Variants in ACYP2 observed in about 807,000 individuals in gnomAD.
ACYP2 encodes acylphosphatase 2.
In ACYP2, 12 loss-of-function variants were observed where a neutral mutation model predicts 11.2. That is an observed-to-expected ratio of 1.08 (90% CI 0.69 to 1.74). The LOEUF (loss-of-function observed/expected upper bound fraction) is 1.74. ACYP2 is among the 40% of genes most tolerant of loss of function. The pLI is 0.00. For missense variants in ACYP2, 134 were observed against 101.9 expected, an observed-to-expected ratio of 1.31 and a Z score of -1.35; for synonymous variants, 43 against 32.2, an observed-to-expected ratio of 1.33 and a Z score of -1.13.
At chr2:54,235,477 T>C (rs2103974073) in intron 6 of ACYP2, among the ~76,000 whole-genome samples, 1 of 152,160 alleles carries the variant, frequency 6.6e-6, no homozygotes, top group East Asian at 1.9e-4. Flanking sequence ...GCCTCCAGAG[T>C]AGCTGGGACT....
At chr2:54,085,239 C>G (rs1210854233) in intron 4 of ACYP2, among the ~76,000 whole-genome samples, 1 of 152,180 alleles carries the variant, frequency 6.6e-6, no homozygotes, top group Non-Finnish European at 1.5e-5. Context: ...CGTTCCAAGG[C>G]TGTGCACATT....
intron 6 of ACYP2, among the ~76,000 whole-genome samples, chr2:54,287,588 T>C (rs1015800775): frequency 2.0e-5 from 3 of 151,918 alleles, no homozygotes; most frequent in African/African-American, 7.3e-5. Context: ...CTACTGGACA[T>C]ACCTTTGGAT....
At chr2:54,027,837 C>CTTTTTTTTTTTTTT (rs34122179) in intron 2 of ACYP2, among the ~76,000 whole-genome samples, 2 of 97,890 alleles carry the variant, frequency 2.0e-5, no homozygotes, top group Non-Finnish European at 3.9e-5. Context: ...TTCTTTCTTT[C>CTTTTTTTTTTTTTT]TTTTTTTTTT....
intron 3 of ACYP2, among the ~76,000 whole-genome samples, chr2:54,055,369 T>C (rs1676086134): frequency 6.6e-6 from 1 of 152,288 alleles, no homozygotes; most frequent in East Asian, 1.9e-4. Flanking sequence ...TCCTAAATCA[T>C]GTGTCAGGAA....
chr2:54,087,988 A>G (rs1678029370), intron 4 of ACYP2, among the ~76,000 whole-genome samples: 2 of 152,148 alleles, frequency 1.3e-5, no homozygotes, highest in Admixed American at 6.6e-5. Flanking sequence ...TTCTTCAGAG[A>G]AGGTTGTGCT....
chr2:54,037,501 C>T (rs1190763508), intron 2 of ACYP2, among the ~76,000 whole-genome samples: 2 of 152,124 alleles, frequency 1.3e-5, no homozygotes, highest in Non-Finnish European at 2.9e-5. Flanking sequence ...GCCTCAACCT[C>T]CTAGGCTCGA....
chr2:54,207,607 T>G (rs1685135709), intron 6 of ACYP2, among the ~76,000 whole-genome samples: 1 of 152,202 alleles, frequency 6.6e-6, no homozygotes, highest in East Asian at 1.9e-4. Flanking sequence ...CTCTTGCATA[T>G]GTTATTGTCA....
At chr2:54,031,198 C>T (rs1674568569) in intron 2 of ACYP2, among the ~76,000 whole-genome samples, 1 of 152,094 alleles carries the variant, frequency 6.6e-6, no homozygotes. Context: ...CATATGTATA[C>T]ATGTGCCATG....
At chr2:54,060,438 G>A (rs954381931) in intron 4 of ACYP2, among the ~76,000 whole-genome samples, 1 of 150,840 alleles carries the variant, frequency 6.6e-6, no homozygotes, top group African/African-American at 2.4e-5. Flanking sequence ...AATGTTTTTT[G>A]ATCTCTCCAA....
chr2:53,974,970 C>G (rs1002277042), intron 2 of ACYP2, among the ~76,000 whole-genome samples: 2 of 152,066 alleles, frequency 1.3e-5, no homozygotes, highest in Admixed American at 1.3e-4. Flanking sequence ...TGAAAGGATT[C>G]GCCTGAGCAA....
At chr2:54,264,178 C>T (rs1573014828) in intron 6 of ACYP2, among the ~76,000 whole-genome samples, 2 of 152,086 alleles carry the variant, frequency 1.3e-5, no homozygotes, top group Non-Finnish European at 2.9e-5. Context: ...TTCGTGGTCT[C>T]GCTTGATTTC....
chr2:53,989,549 G>T (rs188131070), intron 2 of ACYP2, among the ~76,000 whole-genome samples: 1 of 152,130 alleles, frequency 6.6e-6, no homozygotes, highest in East Asian at 1.9e-4. Flanking sequence ...GAACCCACTT[G>T]CTAGATTCGG....
At chr2:54,130,610 G>C (rs1169010950) in intron 4 of ACYP2, among the ~76,000 whole-genome samples, 1 of 152,176 alleles carries the variant, frequency 6.6e-6, no homozygotes, top group African/African-American at 2.4e-5. Flanking sequence ...TGAGTTGAAA[G>C]ATTATGGTAA....
chr2:54,138,586 G>T, intron 5 of ACYP2, 53 bp from the exon 3 acceptor site: 1 of 1,415,114 alleles, frequency 7.1e-7, no homozygotes, highest in South Asian at 1.2e-5. Context: ...AGTATGTTAT[G>T]AACTCAGACT....
chr2:53,975,570 C>T (rs557774806), intron 2 of ACYP2, among the ~76,000 whole-genome samples: 5 of 152,094 alleles, frequency 3.3e-5, no homozygotes, highest in South Asian at 2.1e-4. Flanking sequence ...GGGTGGCTCA[C>T]GCCTGCAATC....
At chr2:54,058,538 C>T (rs1304175581) in intron 4 of ACYP2, among the ~76,000 whole-genome samples, 1 of 152,022 alleles carries the variant, frequency 6.6e-6, no homozygotes, top group Non-Finnish European at 1.5e-5. Flanking sequence ...CGAGTATTTA[C>T]ATTATGATGT....
intron 6 of ACYP2, among the ~76,000 whole-genome samples, chr2:54,160,752 C>T (rs1490209951): frequency 6.6e-6 from 1 of 152,162 alleles, no homozygotes; most frequent in Non-Finnish European, 1.5e-5. Context: ...GTGAATTTGT[C>T]CTTCTGTCAG....
intron 6 of ACYP2, among the ~76,000 whole-genome samples, chr2:54,196,153 G>T (rs1386459505): frequency 1.3e-5 from 2 of 152,190 alleles, no homozygotes; most frequent in South Asian, 2.1e-4. Context: ...AGGGCTGAAT[G>T]TGTATTAAAT....
intron 4 of ACYP2, among the ~76,000 whole-genome samples, chr2:54,133,342 C>T (rs994003270): frequency 1.3e-5 from 2 of 152,112 alleles, no homozygotes; most frequent in African/African-American, 2.4e-5. Flanking sequence ...CATGCTATTC[C>T]GTTGTGTGGA....
Sources: gnomAD v4.1 joint callset for allele counts (sites outside exome capture counted in the v4.1 genomes callset) on GRCh38, gnomAD v4.1.1 for gene constraint, MANE v1.5 for transcripts, NCBI Gene and HGNC (gene_info 2026-07-23, HGNC 2026-07-21) for gene names.